ZBTB8A: variants seen among roughly 807,000 people sequenced by gnomAD.
ZBTB8A encodes zinc finger and BTB domain containing 8A, also known as zinc finger and BTB domain-containing protein 8A.
In ZBTB8A, 19 loss-of-function variants were observed where a neutral mutation model predicts 37.8. That is an observed-to-expected ratio of 0.50 (90% CI 0.35 to 0.74). ZBTB8A has a LOEUF of 0.74. ZBTB8A is among the 30% of genes least tolerant of loss of function. ZBTB8A has a pLI of 0.01. For synonymous variants in ZBTB8A, 181 were observed against 185.2 expected (o/e 0.98, Z 0.19); for missense variants, 394 against 537.8 (o/e 0.73, Z 2.65).
intron 2 of ZBTB8A, among the ~76,000 whole-genome samples, chr1:32,583,868 C>T (rs1002227326): frequency 3.5e-4 from 53 of 152,108 alleles, no homozygotes; most frequent in Non-Finnish European, 6.3e-4. Context: ...CTCAACCTCC[C>T]GAGTAGCTGG....
At chr1:32,550,525 G>A (rs1644143619) in intron 1 of ZBTB8A, among the ~76,000 whole-genome samples, 1 of 152,292 alleles carries the variant, frequency 6.6e-6, no homozygotes. Context: ...AGGCTGATGT[G>A]CAAGCATCAG....
intron 4 of ZBTB8A, among the ~76,000 whole-genome samples, chr1:32,597,813 G>A (rs897631541): frequency 2.0e-5 from 3 of 151,770 alleles, no homozygotes; most frequent in Non-Finnish European, 2.9e-5. Context: ...GCAGTGGCAC[G>A]ATCTCAGCTT....
chr1:32,583,380 C>CAAA (rs372221611), intron 2 of ZBTB8A, among the ~76,000 whole-genome samples: 1,326 of 68,078 alleles, frequency 0.019, 37 homozygotes, highest in African/African-American at 0.062. Context: ...GACCCTGTCT[C>CAAA]AAAAAAAAAA....
At position 32,592,703 on chromosome 1, in the gene ZBTB8A, C is replaced by T. The variant is rs1030834974; in HGVS notation, c.-1-228C>T. On this transcript the variant is annotated intron_variant, in intron 2 of 4. Coordinates refer to ENST00000373510, the MANE Select transcript of ZBTB8A (RefSeq NM_001040441.3). Reference sequence around the variant, plus strand: ...TGTATTTTTGGTAGAGACAGGGTTTCGCCATGTTGTCCAGGCTGGCCTCGA... The same window carrying T: ...TGTATTTTTGGTAGAGACAGGGTTTTGCCATGTTGTCCAGGCTGGCCTCGA... Among the ~76,000 whole-genome samples, 64 of 152,142 alleles carry T rather than the reference C, an allele frequency of 4.2e-4. 1 individual carries two copies. The highest frequency in any genetic ancestry group is 1.9e-4 in the East Asian group (1 of 5,168).
intron 2 of ZBTB8A, among the ~76,000 whole-genome samples, chr1:32,587,123 C>T (rs1224103602): frequency 2.6e-5 from 4 of 152,026 alleles, no homozygotes; most frequent in African/African-American, 4.8e-5. Context: ...CCTGTAATCC[C>T]AGCCACTCGG....
At chr1:32,548,922 G>A (rs1050601652) in intron 1 of ZBTB8A, among the ~76,000 whole-genome samples, 5 of 152,272 alleles carry the variant, frequency 3.3e-5, no homozygotes, top group South Asian at 2.1e-4. Flanking sequence ...GCCAGGCACC[G>A]TGGCTCATGC....
intron 2 of ZBTB8A, among the ~76,000 whole-genome samples, chr1:32,563,436 G>A (rs1313230413): frequency 6.6e-6 from 1 of 152,028 alleles, no homozygotes; most frequent in African/African-American, 2.4e-5. Flanking sequence ...CCCCCCTAGG[G>A]CTGACACCTT....
chr1:32,588,353 G>A (rs903848256), intron 2 of ZBTB8A, among the ~76,000 whole-genome samples: 6 of 152,026 alleles, frequency 3.9e-5, no homozygotes, highest in East Asian at 3.8e-4. Flanking sequence ...AGGACAACTC[G>A]CTGGTGTCGG....
At chr1:32,551,605 G>A (rs142384831) in intron 1 of ZBTB8A, among the ~76,000 whole-genome samples, 30 of 152,128 alleles carry the variant, frequency 2.0e-4, no homozygotes, top group African/African-American at 6.7e-4. Flanking sequence ...CCCGCTACTC[G>A]GCAGGCTGAG....
At chr1:32,584,508 C>CTTTTTTTTTTT (rs1177778440) in intron 2 of ZBTB8A, among the ~76,000 whole-genome samples, 21 of 117,870 alleles carry the variant, frequency 1.8e-4, no homozygotes, top group East Asian at 7.4e-4. Context: ...TTCTTTCTTT[C>CTTTTTTTTTTT]TTTTTTTTTT....
At chr1:32,556,048 A>G (rs1322249757) in intron 2 of ZBTB8A, among the ~76,000 whole-genome samples, 2 of 151,514 alleles carry the variant, frequency 1.3e-5, no homozygotes, top group Non-Finnish European at 2.9e-5. Flanking sequence ...AGCTGGGACT[A>G]CAGGCACATG....
intron 2 of ZBTB8A, among the ~76,000 whole-genome samples, chr1:32,557,246 G>GA (rs2148221823): frequency 6.6e-6 from 1 of 152,282 alleles, no homozygotes; most frequent in African/African-American, 2.4e-5. Context: ...AGGTTGCAGT[G>GA]AGCCAAGGTC....
chr1:32,595,043 T>G lies in ZBTB8A; in HGVS notation c.824-11T>G. ...ACTTTCCAGTGATTTAATCAAAGCG[T>G]CTCTTGACAGATGATCTGCCTCGGA... On this transcript the variant is annotated splice_polypyrimidine_tract_variant and intron_variant, in intron 3 of 4. Transcript: ENST00000373510. 1.9e-6 allele frequency: 3 copies of G among 1,611,438 alleles called. No homozygotes were observed. The highest frequency in any genetic ancestry group is 2.5e-6 in the Non-Finnish European group (3 of 1,178,530).
chr1:32,555,171 C>T (rs963223020), intron 2 of ZBTB8A, among the ~76,000 whole-genome samples: 3 of 152,102 alleles, frequency 2.0e-5, no homozygotes, highest in African/African-American at 4.8e-5. Flanking sequence ...GGGCAGATCA[C>T]AAGGTCAGGA....
chr1:32,577,489 T>A (rs1382093573), intron 2 of ZBTB8A, among the ~76,000 whole-genome samples: 1 of 151,868 alleles, frequency 6.6e-6, no homozygotes, highest in Non-Finnish European at 1.5e-5. Context: ...TTCAGATAAT[T>A]TCCACTTCAT....
intron 2 of ZBTB8A, among the ~76,000 whole-genome samples, chr1:32,571,378 T>C (rs1644321620): frequency 6.6e-6 from 1 of 152,210 alleles, no homozygotes; most frequent in Non-Finnish European, 1.5e-5. Context: ...TCCTTCTATT[T>C]CTGTTTCACT....
chr1:32,568,127 C>T (rs982992002), intron 2 of ZBTB8A, among the ~76,000 whole-genome samples: 4 of 151,726 alleles, frequency 2.6e-5, no homozygotes, highest in Non-Finnish European at 4.4e-5. Flanking sequence ...CCAGCCTGGG[C>T]GACAGAGCAA....
intron 2 of ZBTB8A, among the ~76,000 whole-genome samples, chr1:32,564,405 A>G (rs1350314386): frequency 6.6e-6 from 1 of 152,158 alleles, no homozygotes; most frequent in African/African-American, 2.4e-5. Context: ...TTTCACATTG[A>G]AAAAAAGTCT....
At chr1:32,597,081 A>T (rs558121458) in intron 4 of ZBTB8A, among the ~76,000 whole-genome samples, 248 of 151,226 alleles carry the variant, frequency 1.6e-3, no homozygotes, top group African/African-American at 5.7e-3. Context: ...ATCTTGCCCC[A>T]CTGCAACCTC....
Sources: allele counts gnomAD v4.1 joint callset (sites outside exome capture counted in the v4.1 genomes callset), GRCh38; gene constraint gnomAD v4.1.1; transcripts MANE v1.5; gene names NCBI Gene and HGNC (gene_info 2026-07-23, HGNC 2026-07-21).